EML5: variants seen among roughly 807,000 people sequenced by gnomAD.
EML5 encodes the protein echinoderm microtubule-associated protein-like 5.
Under a neutral mutation model 250.0 loss-of-function variants are expected in EML5, and 120 were observed. That is an observed-to-expected ratio of 0.48 (90% confidence interval 0.41 to 0.56). The LOEUF is 0.56. EML5 is among the 20% of genes least tolerant of loss of function. EML5 has a pLI of 0.00. For synonymous variants in EML5, 771 were observed against 806.5 expected, an observed-to-expected ratio of 0.96 and a Z score of 0.75; for missense variants, 2,006 against 2,437.6, an observed-to-expected ratio of 0.82 and a Z score of 3.73.
intron 5 of EML5, 125 bp from the exon 6 acceptor site, chr14:88,739,139 T>A: frequency 7.9e-6 from 7 of 888,010 alleles, no homozygotes; most frequent in Non-Finnish European, 1.1e-5. Flanking sequence ...AACAAATACA[T>A]CAGAAAACAC....
chr14:88,718,272 T>C (rs2093534243), intron 8 of EML5, among the ~76,000 whole-genome samples: 3 of 152,314 alleles, frequency 2.0e-5, no homozygotes, highest in South Asian at 4.1e-4. Context: ...AGATAACAGC[T>C]GGAGCTGTGC....
chr14:88,620,535 C>A lies in EML5; in HGVS notation c.5375+219G>T. On this transcript the variant is annotated intron_variant, in intron 39 of 43. Coordinates refer to ENST00000554922, the MANE Select transcript of EML5 (RefSeq NM_183387.3). This position sits in a 1 kb window ranked among gnomAD's most constrained non-coding sequence, Gnocchi z 4.3. ...TTAACATGAATTCATCAAACATTAC[C>A]TACTAGTACTTGCTATTATAGTTGG... The A allele has an allele frequency of 2.5e-6, 1 of 399,770 alleles. No individual in the cohort carries two copies. The highest frequency in any genetic ancestry group is 4.4e-6 in the Non-Finnish European group (1 of 228,396). The allele number at this position is 399,770 out of a possible 1,614,324, so 24.8% of individuals were successfully genotyped here. A position where few individuals can be genotyped will look rare whatever the true frequency, so the allele number is the denominator to read the frequency against.
At chr14:88,748,714 G>T (rs1378563142) in intron 2 of EML5, among the ~76,000 whole-genome samples, 1 of 151,732 alleles carries the variant, frequency 6.6e-6, no homozygotes, top group Non-Finnish European at 1.5e-5. Context: ...TTCAAGACAA[G>T]AATTATCTCA....
chr14:88,695,299 A>G (rs560890548), intron 16 of EML5, 62 bp downstream of exon 16: 3 of 1,375,414 alleles, frequency 2.2e-6, no homozygotes, highest in Non-Finnish European at 2.0e-6. Flanking sequence ...TTAATTAAAA[A>G]TTTTTTTAAG....
At chr14:88,712,550 C>T in intron 9 of EML5, 67 bp from the exon 10 acceptor site, 1 of 1,317,952 alleles carries the variant, frequency 7.6e-7, no homozygotes, top group Non-Finnish European at 1.0e-6. Flanking sequence ...CTAAACTGTA[C>T]TGAGAACATA....
At chr14:88,716,797 CTGAT>C (rs369239475) in intron 8 of EML5, among the ~76,000 whole-genome samples, 1 of 151,724 alleles carries the variant, frequency 6.6e-6, no homozygotes. Context: ...TTGTGGTTGA[CTGAT>C]TGGTATTTTA....
chr14:88,775,041 G>A (rs2094433788), intron 1 of EML5, among the ~76,000 whole-genome samples: 1 of 152,168 alleles, frequency 6.6e-6, no homozygotes, highest in Non-Finnish European at 1.5e-5. Context: ...TTGAAGGGAA[G>A]GACCTACTCC....
chr14:88,705,471 T>C lies in EML5; in HGVS notation c.1932+11A>G, dbSNP rs370179059. 27 of 1,576,202 alleles carry C rather than the reference T, an allele frequency of 1.7e-5. No homozygotes were observed. In the East Asian group the frequency reaches 2.5e-4, roughly 15 times the overall value. ...CTTTTTAGAGAAAAACCATGTGATA[T>C]GGAAAATTACCTGTCGACGGTAGGT... On this transcript the variant is annotated intron_variant, in intron 12 of 43. Transcript: ENST00000554922.
At chr14:88,695,668 C>G (rs2093061821) in intron 15 of EML5, among the ~76,000 whole-genome samples, 1 of 151,966 alleles carries the variant, frequency 6.6e-6, no homozygotes, top group Non-Finnish European at 1.5e-5. Flanking sequence ...TCTCATCGCA[C>G]CTGATCTCCT....
In EML5 at chr14:88,618,695, G is replaced by A. The variant is rs367660901; in HGVS notation, c.5493C>T (p.Ser1831=). 3.1e-5 allele frequency: 50 copies of A among 1,612,480 alleles called. No homozygotes were observed. Among genetic ancestry groups the A allele is most frequent in the African/African-American group, 1.7e-4 (13 of 75,042 alleles). Residue 1831 remains serine, a synonymous_variant, in exon 40 of 44, where the codon AGC becomes AGT. Coordinates refer to ENST00000554922, the MANE Select transcript of EML5 (RefSeq NM_183387.3). ...CAGAGAAGTCCATTTGAATGACAAAGCTTGGAATGTCTTTGCAGTAGCTGA... is the reference window on the plus strand; with the variant it reads ...CAGAGAAGTCCATTTGAATGACAAAACTTGGAATGTCTTTGCAGTAGCTGA... ...NRISYCKDIP[S]FVIQMDFSAD...
chr14:88,700,019 ATAC>A (rs968407250), intron 14 of EML5, among the ~76,000 whole-genome samples: 1 of 152,154 alleles, frequency 6.6e-6, no homozygotes, highest in African/African-American at 2.4e-5. Context: ...TCCAATTCTT[ATAC>A]TACATTGTGA....
chr14:88,679,446 C>T (rs1286729886), intron 21 of EML5, among the ~76,000 whole-genome samples: 2 of 152,080 alleles, frequency 1.3e-5, no homozygotes, highest in African/African-American at 2.4e-5. Context: ...AATCTTAGCA[C>T]TTTGGGAGGC....
In EML5 at chr14:88,620,993, C is replaced by T; in HGVS notation, c.5203-67G>A. 3 of 1,466,314 alleles carry T rather than the reference C, an allele frequency of 2.0e-6. No individual in the cohort carries two copies. Among genetic ancestry groups the T allele is most frequent in the Non-Finnish European group, 2.7e-6 (3 of 1,110,524 alleles). 90.8% of individuals were successfully genotyped at this position (1,466,314 alleles called of 1,614,324 possible). On this transcript the variant is annotated intron_variant, in intron 38 of 43. Coordinates refer to ENST00000554922, the MANE Select transcript of EML5 (RefSeq NM_183387.3). The surrounding 1 kb of genome is among the most constrained non-coding windows in gnomAD (Gnocchi z 4.3). ...TAAGTGAAGTACTTCTAAATTATACCAGTTTCCCCTCAAAATGCTCAACAG... is the reference window on the plus strand; with the variant it reads ...TAAGTGAAGTACTTCTAAATTATACTAGTTTCCCCTCAAAATGCTCAACAG...
intron 5 of EML5, 94 bp from the exon 6 acceptor site, chr14:88,739,108 T>A: frequency 8.2e-7 from 1 of 1,214,302 alleles, no homozygotes; most frequent in East Asian, 2.6e-5. Flanking sequence ...TTTAACAATA[T>A]TTTGGTAGGA....
intron 21 of EML5, among the ~76,000 whole-genome samples, chr14:88,667,753 C>T (rs552117953): frequency 6.6e-6 from 1 of 152,346 alleles, no homozygotes; most frequent in African/African-American, 2.4e-5. Context: ...TGGCATTCAC[C>T]AGAGTGGCAG....
At chr14:88,642,120 C>T (rs1247838020) in intron 31 of EML5, among the ~76,000 whole-genome samples, 1 of 152,126 alleles carries the variant, frequency 6.6e-6, no homozygotes, top group Non-Finnish European at 1.5e-5. Flanking sequence ...TAATTCACAT[C>T]ATCAATCTAC....
Position 88,747,709 on chromosome 14 carries a change from AAAAAT to A in EML5, c.358-1431_358-1427del, listed in dbSNP as rs140435336. 3.3e-3 allele frequency among the ~76,000 whole-genome samples: 496 copies of A among 152,344 alleles called. 4 individuals carry two copies. The highest frequency in any genetic ancestry group is 7.1e-3 in the Admixed American group (108 of 15,292). ...GAAGCAAACGGAACTTCCAGAAACA[AAAAAT>A]AAAATAAGTTAAAAATTCAATGGAA... On this transcript the variant is annotated intron_variant, in intron 2 of 43. Transcript: ENST00000554922.
At position 88,613,602 on chromosome 14, in the gene EML5, C is replaced by G. The variant is rs968032504; in HGVS notation, c.*2216G>C. The stretch of plus-strand genomic sequence containing the variant: ...GGCTTATGAACAAGCTAAGGTTGAC[C>G]ATAAAACATTTGTTGGATGACGTGG... On this transcript the variant is annotated 3_prime_UTR_variant, in exon 44 of 44. Coordinates refer to ENST00000554922, the MANE Select transcript of EML5 (RefSeq NM_183387.3). 4 of 151,854 alleles carry G rather than the reference C, an allele frequency of 2.6e-5. No individual in the cohort carries two copies. Among genetic ancestry groups the G allele is most frequent in the African/African-American group, 9.7e-5 (4 of 41,338 alleles). The allele number at this position is 151,854 out of a possible 1,614,324, so 9.4% of individuals were successfully genotyped here.
At position 88,618,671 on chromosome 14, in the gene EML5, A is replaced by G. The variant is rs2088216696; in HGVS notation, c.5517T>C (p.Ser1839=). The part of the protein sequence containing the change: ...IPSFVIQMDF[S]ADSSYLQVSS... The stretch of plus-strand genomic sequence containing the variant: ...GTACCTGGAGATAACTGCTATCTGC[A>G]GAGAAGTCCATTTGAATGACAAAGC... Residue 1839 remains serine (S), a synonymous_variant, in exon 40 of 44, where the codon TCT becomes TCC. Coordinates refer to ENST00000554922, the MANE Select transcript of EML5 (RefSeq NM_183387.3). 1 of 1,613,058 alleles carries G rather than the reference A, an allele frequency of 6.2e-7. No homozygotes were observed. The highest frequency in any genetic ancestry group is 1.7e-5 in the Admixed American group (1 of 59,902).
Sources: gnomAD v4.1 joint callset for allele counts (sites outside exome capture counted in the v4.1 genomes callset) on GRCh38, gnomAD v4.1.1 for gene constraint, Gnocchi (gnomAD v3.1) non-coding constraint, MANE v1.5 for transcripts, NCBI Gene and HGNC (gene_info 2026-07-23, HGNC 2026-07-21) for gene names.